Variants in DACT1 observed in about 807,000 individuals in gnomAD.
The protein encoded by DACT1 is dishevelled binding antagonist of beta catenin 1.
A neutral mutation model predicts 35.3 loss-of-function variants in DACT1; 19 were observed. The observed-to-expected ratio is 0.54, with a 90% CI of 0.38 to 0.79. The LOEUF is 0.79. DACT1 is among the 30% of genes least tolerant of loss of function. The pLI, the probability that DACT1 is intolerant of heterozygous loss-of-function variation, is 0.00. For synonymous variants in DACT1, 545 were observed against 466.7 expected, an observed-to-expected ratio of 1.17 and a Z score of -2.16; for missense variants, 1,143 against 1,057.5, an observed-to-expected ratio of 1.08 and a Z score of -1.12.
At chr14:58,637,852 G>A (rs1336250939), upstream of DACT1, among the ~76,000 whole-genome samples, 3 of 151,770 alleles carry the variant, frequency 2.0e-5, no homozygotes, top group Non-Finnish European at 2.9e-5. Context: ...CCTGACAGAG[G>A]AGGGGAAGCC....
Position 58,638,287 on chromosome 14 carries a change from G to T in DACT1, c.85G>T (p.Gly29Trp). ...CGAGCAGCGCACGGCGGAGCCCGAG[G>T]GGCGCTGGCGGGAGAAGGGCGAGGC... ...RGEQRTAEPE[G>W]RWREKGEADT... The change falls in exon 1 of 4, where the codon GGG (glycine) becomes TGG (tryptophan). Residue 29 changes from glycine to tryptophan, a missense_variant. This residue lies in a region of DACT1 where 85 missense variants were observed against 81.8 expected (regional missense o/e 1.04). Transcript: ENST00000395153. The T allele has an allele frequency of 7.4e-7, 1 of 1,348,350 alleles. No individual in the cohort carries two copies. The highest frequency in any genetic ancestry group is 9.5e-7 in the Non-Finnish European group (1 of 1,053,754). 83.5% of individuals were successfully genotyped at this position (1,348,350 alleles called of 1,614,324 possible). A position where few individuals can be genotyped will look rare whatever the true frequency, so the allele number is the denominator to read the frequency against.
At chr14:58,641,472 A>C in intron 2 of DACT1, 120 bp from the exon 3 acceptor site, 5 of 1,156,364 alleles carry the variant, frequency 4.3e-6, no homozygotes, top group Non-Finnish European at 6.2e-6. Context: ...ATGAATCAAA[A>C]TTGGCCAAAA....
chr14:58,641,450 C>A, intron 2 of DACT1, 142 bp from the exon 3 acceptor site: 1 of 852,598 alleles, frequency 1.2e-6, no homozygotes. Flanking sequence ...AAGATTAGGA[C>A]ACCAAAGTCC....
chr14:58,644,689 TGAG>T (rs1262022438), intron 3 of DACT1, among the ~76,000 whole-genome samples: 1 of 152,074 alleles, frequency 6.6e-6, no homozygotes, highest in African/African-American at 2.4e-5. Context: ...AAACACAAAA[TGAG>T]GAGAAAGCCT....
chr14:58,640,984 G>A lies in DACT1; in HGVS notation c.478+116G>A. The A allele has an allele frequency of 3.5e-6, 4 of 1,151,218 alleles. No homozygotes were observed. The Admixed American group carries it at 6.9e-5, about 20-fold the overall frequency. The allele number at this position is 1,151,218 out of a possible 1,614,324, so 71.3% of individuals were successfully genotyped here. On this transcript the variant is annotated intron_variant, in intron 2 of 3. Coordinates refer to ENST00000395153, the MANE Select transcript of DACT1 (RefSeq NM_001079520.2). ...TGGAGTTTGTTTCCAGTGCAGAGAGGATAAACAAAAAAGAAGTCTGCCATT... is the reference window on the plus strand; with the variant it reads ...TGGAGTTTGTTTCCAGTGCAGAGAGAATAAACAAAAAAGAAGTCTGCCATT...
chr14:58,642,190 A>G (rs1224330114), intron 3 of DACT1, among the ~76,000 whole-genome samples: 3 of 152,298 alleles, frequency 2.0e-5, no homozygotes, highest in Non-Finnish European at 4.4e-5. Flanking sequence ...CAGGAGTTCA[A>G]GACCAGCCTG....
intron 2 of DACT1, 23 bp from the exon 3 acceptor site, chr14:58,641,569 T>A: frequency 1.2e-6 from 2 of 1,606,104 alleles, no homozygotes; most frequent in Non-Finnish European, 1.7e-6. Context: ...TGATGTTAAT[T>A]CCAACGGTGT....
At chr14:58,638,887 C>G (rs564736322) in intron 1 of DACT1, 13 of 1,045,332 alleles carry the variant, frequency 1.2e-5, no homozygotes, top group Non-Finnish European at 1.5e-5. Context: ...AGTATATGCC[C>G]TCTCCCCAGC....
intron 3 of DACT1, among the ~76,000 whole-genome samples, chr14:58,644,258 A>T (rs183729630): frequency 5.1e-4 from 77 of 152,344 alleles, no homozygotes; most frequent in Middle Eastern, 3.4e-3. Flanking sequence ...TTACCACATG[A>T]TCTTTTAAAA....
upstream of DACT1, among the ~76,000 whole-genome samples, chr14:58,634,923 A>G (rs895910229): frequency 2.0e-5 from 3 of 152,196 alleles, no homozygotes; most frequent in African/African-American, 7.2e-5. Context: ...CCACTGTAAT[A>G]TATTCAGCCA....
chr14:58,645,522 A>G lies in DACT1; in HGVS notation c.788A>G (p.Asn263Ser). Residue 263 changes from asparagine to serine, a missense_variant, in exon 4 of 4, where the codon AAC becomes AGC. Transcript: ENST00000395153. ...CTGAGGGAAGAGGACAGGCTTGGAA[A>G]CCATGCCAGTGACATTTGCGGTGGA... is the stretch of plus-strand genomic sequence containing the variant. ...NPLREEDRLG[N>S]HASDICGGSE... 6.2e-7 allele frequency: 1 copy of G among 1,614,088 alleles called. No individual in the cohort carries two copies. Among genetic ancestry groups the G allele is most frequent in the Non-Finnish European group, 8.5e-7 (1 of 1,180,012 alleles).
intron 1 of DACT1, 134 bp from the exon 2 acceptor site, chr14:58,640,602 A>G (rs894807432): frequency 2.2e-5 from 22 of 984,520 alleles, no homozygotes; most frequent in Middle Eastern, 4.4e-4. Context: ...TCGTTACTTC[A>G]GGTCATCCAG....
intron 1 of DACT1, chr14:58,639,209 G>T: frequency 1.0e-6 from 1 of 985,378 alleles, no homozygotes; most frequent in African/African-American, 1.7e-5. Context: ...TATTTTATAC[G>T]TTCTGCCAGC....
intron 3 of DACT1, among the ~76,000 whole-genome samples, chr14:58,643,646 A>C (rs974653052): frequency 6.6e-6 from 1 of 152,230 alleles, no homozygotes; most frequent in African/African-American, 2.4e-5. Context: ...GTTTTCCTTC[A>C]AGACAGACCC....
Position 58,646,104 on chromosome 14 carries a change from C to T in DACT1, c.1370C>T (p.Pro457Leu). ...ASPKESPSRG[P>L]APPQENKVVQ... is the part of the protein sequence containing the mutation. Reference sequence around the variant, plus strand: ...CCAAAAGAGAGTCCTAGCAGAGGCCCTGCCCCGCCGCAGGAGAACAAAGTT... The same window carrying T: ...CCAAAAGAGAGTCCTAGCAGAGGCCTTGCCCCGCCGCAGGAGAACAAAGTT... The change falls in exon 4 of 4, where the codon CCT becomes CTT. Residue 457 changes from proline (P) to leucine (L), a missense_variant. This residue lies in a region of DACT1 where 1,054 missense variants were observed against 958.8 expected (regional missense o/e 1.10). Transcript: ENST00000395153. The T allele has an allele frequency of 1.2e-6, 2 of 1,612,748 alleles. No individual in the cohort carries two copies. The highest frequency in any genetic ancestry group is 8.5e-7 in the Non-Finnish European group (1 of 1,179,688).
rs1283092378 is a variant in DACT1, at chr14:58,646,411, C to T, written c.1677C>T (p.Asn559=). 5 of 1,600,162 alleles carry T rather than the reference C, an allele frequency of 3.1e-6. No homozygotes were observed. Among genetic ancestry groups the T allele is most frequent in the Non-Finnish European group, 4.3e-6 (5 of 1,176,236 alleles). Residue 559 remains asparagine (N), a synonymous_variant, in exon 4 of 4, where the codon AAC becomes AAT. Coordinates refer to ENST00000395153, the MANE Select transcript of DACT1 (RefSeq NM_001079520.2). ...GCCCAGCCCTCCAGGGGCTGGAGAA[C>T]GGCTTGCCCACCGTCAGGGAGAAAA... ...HRGPALQGLE[N]GLPTVREKTR...
rs1369727021 is a variant in DACT1, at chr14:58,647,068, A to G, written c.2334A>G (p.Ser778=). The change falls in exon 4 of 4, where the codon TCA becomes TCG. Residue 778 remains serine, a synonymous_variant. Coordinates refer to ENST00000395153, the MANE Select transcript of DACT1 (RefSeq NM_001079520.2). The part of the protein sequence containing the change: ...PAKTFVKIKA[S]HNLKKKILRF... ...AAACCTTTGTCAAAATTAAGGCCTC[A>G]CATAACCTCAAGAAGAAGATCCTCC... 5.0e-6 allele frequency: 8 copies of G among 1,614,098 alleles called. No individual in the cohort carries two copies. The East Asian group carries it at 6.7e-5, about 13-fold the overall frequency.
At position 58,647,376 on chromosome 14, in the gene DACT1, T is replaced by G. The variant is rs2047703951; in HGVS notation, c.*242T>G. ...AGGTTTTAATGGTGGTGATAGTGAG[T>G]TTTGTGGCACCAGCTGTTTTTTATT... is the stretch of plus-strand genomic sequence containing the variant. On this transcript the variant is annotated 3_prime_UTR_variant, in exon 4 of 4. Transcript: ENST00000395153. 5 of 509,248 alleles carry G rather than the reference T, an allele frequency of 9.8e-6. No homozygotes were observed. The highest frequency in any genetic ancestry group is 1.7e-5 in the Non-Finnish European group (5 of 288,054). The allele number at this position is 509,248 out of a possible 1,614,324, so 31.5% of individuals were successfully genotyped here.
upstream of DACT1, among the ~76,000 whole-genome samples, chr14:58,634,786 A>T (rs1189917687): frequency 6.6e-6 from 1 of 152,210 alleles, no homozygotes; most frequent in Non-Finnish European, 1.5e-5. Flanking sequence ...CATTTGTAGA[A>T]TGATGCTCAG....
Sources: allele counts gnomAD v4.1 joint callset (sites outside exome capture counted in the v4.1 genomes callset), GRCh38; gene constraint gnomAD v4.1.1; regional missense constraint gnomAD v4.1.1; transcripts MANE v1.5; gene names NCBI Gene and HGNC (gene_info 2026-07-23, HGNC 2026-07-21).